Variants in WDR49 observed in about 807,000 individuals in gnomAD.
WDR49 encodes cilia- and flagella-associated protein 337.
In WDR49, 107 loss-of-function variants were observed where a neutral mutation model predicts 119.5. The observed-to-expected ratio is 0.90, with a 90% CI of 0.77 to 1.05. The LOEUF (loss-of-function observed/expected upper bound fraction) is 1.05. WDR49 is among the 50% of genes least tolerant of loss of function. The pLI is 0.00. For synonymous variants in WDR49, 425 were observed against 418.8 expected (o/e 1.01, Z -0.18); for missense variants, 1,240 against 1,220.5 (o/e 1.02, Z -0.24).
chr3:167,534,961 C>T (rs138473342), intron 11 of WDR49, among the ~76,000 whole-genome samples: 442 of 152,264 alleles, frequency 2.9e-3, no homozygotes, highest in Non-Finnish European at 5.4e-3. Context: ...AAAGCTGCTC[C>T]TGGAAAATGG....
intron 16 of WDR49, among the ~76,000 whole-genome samples, chr3:167,510,150 C>T (rs559237274): frequency 6.6e-6 from 1 of 152,188 alleles, no homozygotes; most frequent in Non-Finnish European, 1.5e-5. Flanking sequence ...TTTGGGAGGC[C>T]GAGGCGGGCA....
chr3:167,608,681 T>C (rs1475627803), intron 5 of WDR49, among the ~76,000 whole-genome samples: 2 of 152,164 alleles, frequency 1.3e-5, no homozygotes, highest in Admixed American at 6.5e-5. Context: ...ATTTCTTGAA[T>C]TGAGGTAAGG....
intron 10 of WDR49, among the ~76,000 whole-genome samples, chr3:167,538,265 T>C (rs762708649): frequency 2.0e-5 from 3 of 152,142 alleles, no homozygotes; most frequent in Admixed American, 6.6e-5. Context: ...GATCTCAACA[T>C]GTCAAAAATC....
chr3:167,636,622 G>T (rs1490926122), intron 2 of WDR49, among the ~76,000 whole-genome samples: 3 of 151,244 alleles, frequency 2.0e-5, no homozygotes, highest in Admixed American at 2.0e-4. Context: ...AATGTAGAAG[G>T]GTCACCTTTT....
At chr3:167,556,589 C>T (rs1461192884) in intron 9 of WDR49, among the ~76,000 whole-genome samples, 1 of 152,142 alleles carries the variant, frequency 6.6e-6, no homozygotes, top group Non-Finnish European at 1.5e-5. Flanking sequence ...TTGGTGCTAT[C>T]AAAATTAAAA....
At chr3:167,575,438 T>C (rs1714197916) in intron 8 of WDR49, among the ~76,000 whole-genome samples, 1 of 152,220 alleles carries the variant, frequency 6.6e-6, no homozygotes, top group Non-Finnish European at 1.5e-5. Context: ...GCATCATGTT[T>C]AACTGAATCA....
intron 7 of WDR49, among the ~76,000 whole-genome samples, chr3:167,592,366 T>G (rs959772460): frequency 2.0e-5 from 3 of 152,140 alleles, no homozygotes; most frequent in Non-Finnish European, 4.4e-5. Context: ...CAGGGTTATA[T>G]TCTGTGGTTT....
intron 2 of WDR49, among the ~76,000 whole-genome samples, chr3:167,646,306 G>T (rs1385760945): frequency 6.6e-6 from 1 of 152,160 alleles, no homozygotes; most frequent in Non-Finnish European, 1.5e-5. Flanking sequence ...TGGAAAAATA[G>T]GTCTTAGACT....
chr3:167,596,667 C>G (rs867480448), intron 7 of WDR49, among the ~76,000 whole-genome samples: 10 of 131,554 alleles, frequency 7.6e-5, no homozygotes, highest in Admixed American at 4.5e-4. Context: ...GGGAATTGAA[C>G]AATGAGAACA....
chr3:167,522,649 T>A (rs1455138095), intron 15 of WDR49, among the ~76,000 whole-genome samples, 165 bp from the exon 16 acceptor site: 1 of 152,110 alleles, frequency 6.6e-6, no homozygotes, highest in Non-Finnish European at 1.5e-5. Flanking sequence ...CAGTTTTACA[T>A]GGGAAATGAA....
intron 15 of WDR49, among the ~76,000 whole-genome samples, chr3:167,527,453 C>T (rs1434571759): frequency 6.6e-6 from 1 of 151,900 alleles, no homozygotes; most frequent in Non-Finnish European, 1.5e-5. Context: ...TTATTACGTT[C>T]TTAGTTAACA....
At chr3:167,499,066 AGCAAAGAGAAAT>A (rs1477492724) in intron 18 of WDR49, among the ~76,000 whole-genome samples, 1 of 152,206 alleles carries the variant, frequency 6.6e-6, no homozygotes, top group African/African-American at 2.4e-5. Flanking sequence ...CACAAGAGCA[AGCAAAGAGAAAT>A]TCTAAGAAAA....
rs530917069 is a variant in WDR49 at position 167,632,834 on chromosome 3, A to G, written c.166-5542T>C. Among the ~76,000 whole-genome samples the G allele has an allele frequency of 9.9e-5, 15 of 152,154 alleles. No homozygotes were observed. The South Asian group carries it at 3.1e-3, about 32-fold the overall frequency. On this transcript the variant is annotated intron_variant, in intron 2 of 18. Transcript: ENST00000682715. ...TGGTTGGGAAATTGTGTGGTAGTGA[A>G]GAAGGTGGAGCTCTAAGTCTTAGCC... is the stretch of plus-strand genomic sequence containing the variant.
chr3:167,641,964 A>G (rs1175874551), intron 2 of WDR49, among the ~76,000 whole-genome samples: 2 of 151,942 alleles, frequency 1.3e-5, no homozygotes, highest in African/African-American at 4.8e-5. Flanking sequence ...ACATACATGT[A>G]TTTAAAAAAC....
Position 167,621,458 on chromosome 3 carries a change from C to T in WDR49, c.783+9G>A. On this transcript the variant is annotated intron_variant, in intron 4 of 18. Transcript: ENST00000682715. Reference sequence around the variant, plus strand: ...CCATAGTATTCAATCTTAATCTACCCTCACTTACCTTTCCAGTTATATCCC... The same window carrying T: ...CCATAGTATTCAATCTTAATCTACCTTCACTTACCTTTCCAGTTATATCCC... The T allele has an allele frequency of 6.6e-7, 1 of 1,515,424 alleles. No individual in the cohort carries two copies. The highest frequency in any genetic ancestry group is 8.8e-7 in the Non-Finnish European group (1 of 1,136,054). 93.9% of individuals were successfully genotyped at this position (1,515,424 alleles called of 1,614,324 possible). A position where few individuals can be genotyped will look rare whatever the true frequency, so the allele number is the denominator to read the frequency against.
At chr3:167,554,220 C>T (rs1051717152) in intron 10 of WDR49, among the ~76,000 whole-genome samples, 1 of 152,032 alleles carries the variant, frequency 6.6e-6, no homozygotes, top group African/African-American at 2.4e-5. Context: ...ACATTTTCTG[C>T]ACTGATAGAA....
intron 18 of WDR49, among the ~76,000 whole-genome samples, chr3:167,484,847 G>T (rs1312720974): frequency 6.6e-6 from 1 of 151,778 alleles, no homozygotes; most frequent in Non-Finnish European, 1.5e-5. Context: ...CATTACTGGG[G>T]TACATAAAGG....
At chr3:167,651,611 G>T (rs1389803573) in intron 2 of WDR49, among the ~76,000 whole-genome samples, 2 of 151,110 alleles carry the variant, frequency 1.3e-5, no homozygotes, top group Admixed American at 1.3e-4. Flanking sequence ...TTTTTTGAAG[G>T]TACACCTGCA....
At chr3:167,520,904 T>C (rs1752410862) in intron 16 of WDR49, among the ~76,000 whole-genome samples, 1 of 152,032 alleles carries the variant, frequency 6.6e-6, no homozygotes, top group Non-Finnish European at 1.5e-5. Context: ...TATGTGTGAA[T>C]TGAGACCCAC....
Sources: allele counts gnomAD v4.1 joint callset (sites outside exome capture counted in the v4.1 genomes callset), GRCh38; gene constraint gnomAD v4.1.1; transcripts MANE v1.5; gene names NCBI Gene and HGNC (gene_info 2026-07-23, HGNC 2026-07-21).